The following SLC25A26 variants were observed in gnomAD, a reference collection of about 807,000 sequenced individuals.
SLC25A26 encodes solute carrier family 25 member 26.
A neutral mutation model predicts 37.8 loss-of-function variants in SLC25A26; 36 were observed. The observed-to-expected ratio is 0.95, with a 90% CI of 0.73 to 1.26. SLC25A26 has a LOEUF of 1.26. SLC25A26 is among the 50% of genes most tolerant of loss of function. SLC25A26 has a pLI of 0.00. For missense variants in SLC25A26, 390 were observed against 331.1 expected (o/e 1.18, Z -1.38); for synonymous variants, 129 against 122.5 (o/e 1.05, Z -0.35).
At chr3:66,369,050 C>CAAAAAAA (rs962307090) in intron 7 of SLC25A26, among the ~76,000 whole-genome samples, 1 of 18,714 alleles carries the variant, frequency 5.3e-5, no homozygotes. Context: ...AAAACAAAAA[C>CAAAAAAA]AAAAAAAAAA....
chr3:66,219,005 G>A (rs902667532), upstream of SLC25A26, among the ~76,000 whole-genome samples: 10 of 152,190 alleles, frequency 6.6e-5, no homozygotes, highest in Admixed American at 5.2e-4. Context: ...GAAGTTTATC[G>A]TTGCTTTAGT....
chr3:66,367,255 G>A (rs958588825), intron 7 of SLC25A26, among the ~76,000 whole-genome samples: 3 of 152,168 alleles, frequency 2.0e-5, no homozygotes, highest in South Asian at 4.1e-4. Context: ...ACTACTATCT[G>A]CATTTTACAG....
chr3:66,179,525 A>G (rs963321856), intron 1 of SLC25A26, among the ~76,000 whole-genome samples: 5 of 152,212 alleles, frequency 3.3e-5, no homozygotes, highest in African/African-American at 1.2e-4. Context: ...GAGAGTAAAT[A>G]TGGGATATGA....
At chr3:66,202,530 T>C (rs1455111091) in intron 1 of SLC25A26, among the ~76,000 whole-genome samples, 1 of 60,678 alleles carries the variant, frequency 1.6e-5, no homozygotes. Context: ...TAAAGTAAAA[T>C]GAAAAAAAAA....
intron 1 of SLC25A26, among the ~76,000 whole-genome samples, chr3:66,168,941 G>C (rs915790423): frequency 6.6e-6 from 1 of 152,168 alleles, no homozygotes; most frequent in African/African-American, 2.4e-5. Context: ...GAGCAACATA[G>C]CAAGACCTGG....
chr3:66,226,259 G>T (rs932863147), intron 1 of SLC25A26, among the ~76,000 whole-genome samples: 4 of 152,176 alleles, frequency 2.6e-5, no homozygotes, highest in Admixed American at 2.0e-4. Flanking sequence ...GTCTTACATG[G>T]CTGCAGATGA....
chr3:66,283,042 G>C (rs2074398960), intron 5 of SLC25A26, among the ~76,000 whole-genome samples: 1 of 152,096 alleles, frequency 6.6e-6, no homozygotes, highest in African/African-American at 2.4e-5. Context: ...TTTTATTGCA[G>C]GGTGGTATTC....
At chr3:66,334,110 A>G (rs1213382430) in intron 5 of SLC25A26, among the ~76,000 whole-genome samples, 1 of 152,170 alleles carries the variant, frequency 6.6e-6, no homozygotes, top group Non-Finnish European at 1.5e-5. Flanking sequence ...TTTGGCATGG[A>G]AACTAGAAGA....
chr3:66,266,836 C>T (rs1284965377), intron 5 of SLC25A26, among the ~76,000 whole-genome samples: 2 of 152,026 alleles, frequency 1.3e-5, no homozygotes, highest in Non-Finnish European at 2.9e-5. Context: ...CTTTCATATC[C>T]AGGATGATTT....
rs1022831920 is a variant in SLC25A26 at position 66,249,229 on chromosome 3, A to C, written c.300+5917A>C. Among the ~76,000 whole-genome samples, 13 of 152,380 alleles carry C rather than the reference A, an allele frequency of 8.5e-5. No individual in the cohort carries two copies. In the South Asian group the frequency reaches 1.2e-3, roughly 15 times the overall value. ...TGGAGTTAGAATGAGGTTTTCTCCA[A>C]GGCCCATGCTGTCATAGAGCCTCGT... On this transcript the variant is annotated intron_variant, in intron 3 of 9. Transcript: ENST00000354883.
chr3:66,281,698 TGTTCGGTAATTA>T (rs1052080392), intron 5 of SLC25A26, among the ~76,000 whole-genome samples: 32 of 152,204 alleles, frequency 2.1e-4, no homozygotes, highest in Non-Finnish European at 4.1e-4. Flanking sequence ...ATTCTTTTTT[TGTTCGGTAATTA>T]TAGTCTATTA....
intron 5 of SLC25A26, among the ~76,000 whole-genome samples, chr3:66,335,476 C>G (rs551470385): frequency 2.0e-5 from 3 of 152,310 alleles, no homozygotes; most frequent in African/African-American, 7.2e-5. Context: ...CTGCTCTCAA[C>G]ACACTGTTCT....
chr3:66,376,145 G>A (rs756266126), intron 9 of SLC25A26, among the ~76,000 whole-genome samples: 3 of 151,564 alleles, frequency 2.0e-5, no homozygotes, highest in Admixed American at 6.6e-5. Context: ...AAACTTGAAC[G>A]GATGAGGAGT....
intron 1 of SLC25A26, among the ~76,000 whole-genome samples, chr3:66,203,609 C>T (rs1404741627): frequency 2.6e-5 from 4 of 152,086 alleles, no homozygotes; most frequent in African/African-American, 4.8e-5. Flanking sequence ...GATAAATGCT[C>T]ATTAAAAATT....
intron 5 of SLC25A26, among the ~76,000 whole-genome samples, chr3:66,318,520 C>G (rs2075603440): frequency 6.6e-6 from 1 of 151,996 alleles, no homozygotes; most frequent in South Asian, 2.1e-4. Flanking sequence ...CTCGTCAGTC[C>G]CAATGAGAGA....
At chr3:66,204,299 G>T (rs1389880242) in intron 1 of SLC25A26, among the ~76,000 whole-genome samples, 2 of 151,584 alleles carry the variant, frequency 1.3e-5, no homozygotes, top group Non-Finnish European at 2.9e-5. Flanking sequence ...AGTGGCGGTC[G>T]CCTGTAGTCC....
chr3:66,238,436 G>A (rs545087215), intron 2 of SLC25A26, among the ~76,000 whole-genome samples: 3 of 152,170 alleles, frequency 2.0e-5, no homozygotes, highest in South Asian at 2.1e-4. Context: ...AGGCTGGAGT[G>A]CAGTGGCGCC....
At chr3:66,286,309 A>C (rs1411266304) in intron 5 of SLC25A26, among the ~76,000 whole-genome samples, 1 of 152,210 alleles carries the variant, frequency 6.6e-6, no homozygotes, top group East Asian at 1.9e-4. Context: ...TTTTCTTCTA[A>C]AAGTTTTATA....
At chr3:66,270,067 A>C (rs370210934) in intron 5 of SLC25A26, among the ~76,000 whole-genome samples, 55 of 152,198 alleles carry the variant, frequency 3.6e-4, no homozygotes, top group African/African-American at 1.3e-3. Flanking sequence ...AAGGTGAGGG[A>C]GCTCTAAGGG....
Sources: allele counts gnomAD v4.1 joint callset (sites outside exome capture counted in the v4.1 genomes callset), GRCh38; gene constraint gnomAD v4.1.1; transcripts MANE v1.5; gene names NCBI Gene and HGNC (gene_info 2026-07-23, HGNC 2026-07-21).